Variants in SUMF2 observed in about 807,000 individuals in gnomAD.
SUMF2 encodes the protein inactive C-alpha-formylglycine-generating enzyme 2.
SUMF2 carries 45 observed loss-of-function variants against 44.8 expected under a neutral mutation model. The ratio of observed to expected loss-of-function variants is 1.00; its 90% CI spans 0.79 to 1.29. SUMF2 has a LOEUF of 1.29. Among genes scored for constraint, SUMF2 ranks in the 50% most tolerant of loss-of-function variants. The pLI is 0.00. For missense variants in SUMF2, 418 were observed against 389.9 expected (o/e 1.07, Z -0.61); for synonymous variants, 148 against 150.4 (o/e 0.98, Z 0.12).
chr7:56,081,695 G>A (rs779067448), downstream of SUMF2: 22 of 1,613,810 alleles, frequency 1.4e-5, no homozygotes, highest in Non-Finnish European at 1.1e-5. The surrounding 1 kb of genome is among the most constrained non-coding windows in gnomAD (Gnocchi z 4.6). Context: ...AAGAAGGGGT[G>A]TGCCAAGGCC....
chr7:56,070,271 A>C (rs1216369732), intron 2 of SUMF2, among the ~76,000 whole-genome samples: 1 of 152,006 alleles, frequency 6.6e-6, no homozygotes, highest in Non-Finnish European at 1.5e-5. Context: ...TCACCTCTTA[A>C]ATGGAGTTAA....
chr7:56,079,948 C>T lies in SUMF2; in HGVS notation c.*336C>T. On this transcript the variant is annotated 3_prime_UTR_variant, in exon 9 of 9. Transcript: ENST00000434526. ...TTTTTTAAGCATTTTAAAATCTATTCTCTCCCCCTTTCTCCCTGGATGATT... is the reference window on the plus strand; with the variant it reads ...TTTTTTAAGCATTTTAAAATCTATTTTCTCCCCCTTTCTCCCTGGATGATT... 7.9e-7 allele frequency: 1 copy of T among 1,267,250 alleles called. No homozygotes were observed. Among genetic ancestry groups the T allele is most frequent in the South Asian group, 1.6e-5 (1 of 63,598 alleles). 78.5% of individuals were successfully genotyped at this position (1,267,250 alleles called of 1,614,324 possible). A position where few individuals can be genotyped will look rare whatever the true frequency, so the allele number is the denominator to read the frequency against.
chr7:56,064,300 G>A lies in SUMF2; in HGVS notation c.-12G>A, dbSNP rs746826133. Reference sequence around the variant, plus strand: ...GGGCCGTGGGTGTACGCGGCGCAGCGCGGCAGTCCTGATGGCCCGGCATGG... The same window carrying A: ...GGGCCGTGGGTGTACGCGGCGCAGCACGGCAGTCCTGATGGCCCGGCATGG... On this transcript the variant is annotated 5_prime_UTR_variant, in exon 1 of 9. Transcript: ENST00000434526. 6.3e-7 allele frequency: 1 copy of A among 1,583,430 alleles called. No homozygotes were observed. Among genetic ancestry groups the A allele is most frequent in the South Asian group, 1.1e-5 (1 of 87,098 alleles).
chr7:56,084,293 G>T, downstream of SUMF2: 2 of 1,114,542 alleles, frequency 1.8e-6, no homozygotes, highest in Middle Eastern at 1.9e-4. Context: ...CTAAATGATG[G>T]CTGGAGGCTG....
At chr7:56,068,286 C>G (rs572559099) in intron 1 of SUMF2, among the ~76,000 whole-genome samples, 196 bp from the exon 2 acceptor site, 1 of 152,102 alleles carries the variant, frequency 6.6e-6, no homozygotes, top group East Asian at 1.9e-4. Context: ...CTACCCGCCT[C>G]GGCCTCTCAA....
chr7:56,075,110 G>C (rs138893178), intron 5 of SUMF2, among the ~76,000 whole-genome samples: 3 of 152,078 alleles, frequency 2.0e-5, no homozygotes, highest in East Asian at 1.9e-4. Context: ...AAGAAAAAGC[G>C]GGGGGATGGG....
chr7:56,074,464 G>A (rs1269025905), intron 4 of SUMF2, 122 bp from the exon 5 acceptor site: 5 of 1,336,348 alleles, frequency 3.7e-6, no homozygotes, highest in African/African-American at 1.5e-5. Flanking sequence ...TCACTCACCC[G>A]GCTCTCTTCC....
chr7:56,087,153 G>A, the SUMF2 span: 2 of 709,284 alleles, frequency 2.8e-6, no homozygotes, highest in African/African-American at 1.8e-5. Context: ...TCAGGAGGGT[G>A]CTCAAAGACG....
chr7:56,076,044 T>G (rs1162585146), intron 5 of SUMF2, among the ~76,000 whole-genome samples: 2 of 115,562 alleles, frequency 1.7e-5, no homozygotes, highest in Non-Finnish European at 3.8e-5. Flanking sequence ...TTTTTTTTTT[T>G]GAGACAGAGT....
intron 6 of SUMF2, 44 bp downstream of exon 6, chr7:56,076,933 T>G (rs1795597889): frequency 6.4e-7 from 1 of 1,571,800 alleles, no homozygotes; most frequent in African/African-American, 1.4e-5. Context: ...GACAGAGACC[T>G]GCTGGAGGCT....
At chr7:56,077,368 A>G (rs1424675549) in intron 6 of SUMF2, among the ~76,000 whole-genome samples, 1 of 145,672 alleles carries the variant, frequency 6.9e-6, no homozygotes, top group Non-Finnish European at 1.5e-5. Context: ...ACTTTCTATT[A>G]AAGAGTTGTA....
At chr7:56,083,596 T>A (rs1796121983), downstream of SUMF2, 1 of 1,515,340 alleles carries the variant, frequency 6.6e-7, no homozygotes, top group Non-Finnish European at 9.1e-7. Context: ...CCCCAGTGCC[T>A]GTGGCCCTAA....
intron 3 of SUMF2, chr7:56,073,504 C>T (rs982491927): frequency 1.7e-5 from 5 of 301,168 alleles, no homozygotes; most frequent in Admixed American, 4.1e-5. Context: ...ATTAGACAGG[C>T]ATGGTGGCAC....
At chr7:56,072,904 C>T (rs767794315) in intron 2 of SUMF2, 93 bp from the exon 3 acceptor site, 4 of 831,466 alleles carry the variant, frequency 4.8e-6, no homozygotes, top group East Asian at 2.4e-5. Context: ...GTATAACTTA[C>T]AGGACAGGGA....
intron 2 of SUMF2, among the ~76,000 whole-genome samples, chr7:56,072,467 G>A (rs1795239608): frequency 1.3e-5 from 2 of 151,236 alleles, no homozygotes; most frequent in East Asian, 4.0e-4. Context: ...GCTCACGCCT[G>A]TAATCTCAGC....
At chr7:56,065,995 C>T (rs1402077624) in intron 1 of SUMF2, among the ~76,000 whole-genome samples, 2 of 146,726 alleles carry the variant, frequency 1.4e-5, no homozygotes, top group Non-Finnish European at 3.0e-5. Flanking sequence ...GCGGGAGAAT[C>T]GCTTGAACCC....
chr7:56,069,942 C>T (rs1428327314), intron 2 of SUMF2, among the ~76,000 whole-genome samples: 1 of 151,990 alleles, frequency 6.6e-6, no homozygotes, highest in African/African-American at 2.4e-5. Flanking sequence ...CAGTTTTCCT[C>T]TTGTTGCCTA....
downstream of SUMF2, among the ~76,000 whole-genome samples, chr7:56,084,653 G>A (rs555512851): frequency 4.6e-5 from 7 of 152,116 alleles, no homozygotes; most frequent in South Asian, 2.1e-4. Context: ...GATTACAGGC[G>A]TGAGCCACCA....
At chr7:56,074,351 C>A in intron 4 of SUMF2, 133 bp downstream of exon 4, 2 of 1,108,156 alleles carry the variant, frequency 1.8e-6, no homozygotes, top group Non-Finnish European at 2.6e-6. Context: ...TCAGGGAAAG[C>A]GCTCAGCAGG....
Sources: allele counts gnomAD v4.1 joint callset (sites outside exome capture counted in the v4.1 genomes callset), GRCh38; gene constraint gnomAD v4.1.1; non-coding constraint Gnocchi (gnomAD v3.1); transcripts MANE v1.5; gene names NCBI Gene and HGNC (gene_info 2026-07-23, HGNC 2026-07-21).